ARID1B: variants seen among roughly 807,000 people sequenced by gnomAD.
ARID1B encodes AT-rich interaction domain 1B.
Under a neutral mutation model 212.3 loss-of-function variants are expected in ARID1B, and 30 were observed. The ratio of observed to expected loss-of-function variants is 0.14; its 90% CI spans 0.11 to 0.19. ARID1B has a LOEUF of 0.19. Among genes scored for constraint, ARID1B ranks in the 10% least tolerant of loss-of-function variants. The pLI is 1.00. For synonymous variants in ARID1B, 1,402 were observed against 1,301.7 expected, an observed-to-expected ratio of 1.08 and a Z score of -1.66; for missense variants, 2,891 against 3,204.0, an observed-to-expected ratio of 0.90 and a Z score of 2.36.
intron 2 of ARID1B, among the ~76,000 whole-genome samples, chr6:156,891,103 A>G (rs972645709): frequency 6.6e-6 from 1 of 152,208 alleles, no homozygotes; most frequent in Non-Finnish European, 1.5e-5. Flanking sequence ...TTGACTGGAC[A>G]TGTTGACATA....
intron 4 of ARID1B, among the ~76,000 whole-genome samples, chr6:157,049,310 C>T (rs1229496335): frequency 1.3e-5 from 2 of 152,128 alleles, no homozygotes; most frequent in Non-Finnish European, 2.9e-5. Flanking sequence ...GAGTGCTCCT[C>T]AAGTGTGACC....
At chr6:156,925,607 T>C (rs1054030807) in intron 3 of ARID1B, among the ~76,000 whole-genome samples, 2 of 152,222 alleles carry the variant, frequency 1.3e-5, no homozygotes, top group Non-Finnish European at 2.9e-5. Flanking sequence ...TTCTTTGGAC[T>C]CATTAATAAT....
chr6:157,181,672 C>T (rs577480969), intron 12 of ARID1B, among the ~76,000 whole-genome samples: 39 of 152,288 alleles, frequency 2.6e-4, no homozygotes, highest in Admixed American at 1.8e-3. Flanking sequence ...TGACCTCCAG[C>T]GGGCTAGGCC....
chr6:156,917,164 A>T (rs1287346077), intron 3 of ARID1B, among the ~76,000 whole-genome samples: 1 of 152,136 alleles, frequency 6.6e-6, no homozygotes, highest in African/African-American at 2.4e-5. Flanking sequence ...GGATCTTTTT[A>T]AAAAACCTTA....
intron 18 of ARID1B, among the ~76,000 whole-genome samples, chr6:157,202,649 TAC>T (rs754115969): frequency 2.0e-4 from 30 of 150,056 alleles, no homozygotes; most frequent in East Asian, 3.9e-4. Context: ...TGCCACTGTA[TAC>T]ACACACACAC....
intron 8 of ARID1B, among the ~76,000 whole-genome samples, chr6:157,161,087 C>T (rs902385752): frequency 6.6e-6 from 1 of 152,160 alleles, no homozygotes; most frequent in African/African-American, 2.4e-5. Flanking sequence ...TAACTGTCAA[C>T]AAAGCAGTAG....
chr6:157,202,173 C>T (rs1366545973), intron 18 of ARID1B, among the ~76,000 whole-genome samples: 3 of 152,292 alleles, frequency 2.0e-5, no homozygotes, highest in African/African-American at 4.8e-5. Flanking sequence ...CCATGTCAAT[C>T]GAATGCTGAT....
chr6:157,033,126 T>G (rs2128499071), intron 4 of ARID1B, among the ~76,000 whole-genome samples: 1 of 152,378 alleles, frequency 6.6e-6, no homozygotes, highest in South Asian at 2.1e-4. Flanking sequence ...TGCGTAATCA[T>G]ATACATGTGC....
chr6:156,824,944 A>T (rs1782639418), intron 1 of ARID1B, among the ~76,000 whole-genome samples: 1 of 151,418 alleles, frequency 6.6e-6, no homozygotes, highest in Non-Finnish European at 1.5e-5. Context: ...GGCTCACTGC[A>T]ACCTCTGCCT....
At chr6:156,972,005 G>C (rs1006703810) in intron 4 of ARID1B, among the ~76,000 whole-genome samples, 6 of 152,172 alleles carry the variant, frequency 3.9e-5, no homozygotes, top group Admixed American at 2.6e-4. Flanking sequence ...AATCCTGGGG[G>C]ACATCACAGA....
chr6:157,082,375 CT>C (rs1281166995), intron 4 of ARID1B, among the ~76,000 whole-genome samples: 1 of 152,138 alleles, frequency 6.6e-6, no homozygotes, highest in African/African-American at 2.4e-5. Flanking sequence ...TCTGTCAAGA[CT>C]TCTGTTGTTG....
In ARID1B at chr6:157,206,395, A is replaced by G; in HGVS notation, c.5623A>G (p.Ser1875Gly). 1 of 1,614,240 alleles carries G rather than the reference A, an allele frequency of 6.2e-7. No individual in the cohort carries two copies. Among genetic ancestry groups the G allele is most frequent in the South Asian group, 1.1e-5 (1 of 91,080 alleles). ...EEDEEDEEED[S>G]EKTESDEKSS... ...AGACGAGGAGGATGAGGAGGAAGAC[A>G]GCGAGAAGACAGAAAGCGATGAAAA... Residue 1875 changes from serine to glycine, a missense_variant, in exon 20 of 20, where the codon AGC becomes GGC. By Grantham distance (56) the Ser-to-Gly change is moderately conservative (BLOSUM62 0). Transcript: ENST00000636930. The surrounding 1 kb of genome is among the most constrained non-coding windows in gnomAD (Gnocchi z 6.8).
In ARID1B at chr6:157,181,013, G is replaced by A. The variant is rs1792474242; in HGVS notation, c.3549G>A (p.Val1183=). 2 of 1,614,104 alleles carry A rather than the reference G, an allele frequency of 1.2e-6. No individual in the cohort carries two copies. The highest frequency in any genetic ancestry group is 1.7e-6 in the Non-Finnish European group (2 of 1,180,028). ...CTACTGGGGAGAAGATCACGAAGGTGTACGAGCTGGGGAATGAGCCAGAGA... is the reference window on the plus strand; with the variant it reads ...CTACTGGGGAGAAGATCACGAAGGTATACGAGCTGGGGAATGAGCCAGAGA... ...STTTGEKITK[V]YELGNEPERK... Residue 1183 remains valine, a synonymous_variant, in exon 12 of 20, where the codon GTG becomes GTA. Coordinates refer to ENST00000636930, the MANE Select transcript of ARID1B (RefSeq NM_001374828.1).
At chr6:156,928,231 G>T (rs1014479903) in intron 3 of ARID1B, among the ~76,000 whole-genome samples, 1 of 152,146 alleles carries the variant, frequency 6.6e-6, no homozygotes, top group African/African-American at 2.4e-5. Context: ...GTAGGCCTTC[G>T]GGAGGCATTT....
chr6:156,859,736 A>C (rs987659272), intron 2 of ARID1B, among the ~76,000 whole-genome samples: 5 of 152,182 alleles, frequency 3.3e-5, no homozygotes, highest in Admixed American at 1.3e-4. Context: ...ATGTGCAGTT[A>C]TTTCTTTACC....
intron 2 of ARID1B, among the ~76,000 whole-genome samples, chr6:156,864,382 T>C (rs1785538696): frequency 6.6e-6 from 1 of 152,220 alleles, no homozygotes; most frequent in Non-Finnish European, 1.5e-5. Context: ...CTTGGCTTGA[T>C]TCTAAGTAAT....
intron 4 of ARID1B, among the ~76,000 whole-genome samples, chr6:157,021,788 C>T (rs1377327058): frequency 2.0e-5 from 3 of 152,050 alleles, no homozygotes; most frequent in Non-Finnish European, 2.9e-5. Context: ...AGCGTGTTTT[C>T]TAAAGTTTCT....
chr6:157,187,844 T>C (rs906386589), intron 13 of ARID1B, among the ~76,000 whole-genome samples: 1 of 152,056 alleles, frequency 6.6e-6, no homozygotes, highest in African/African-American at 2.4e-5. Flanking sequence ...ATAAGGGTCT[T>C]TCTGAAATCA....
chr6:157,125,563 G>T (rs142941662), intron 6 of ARID1B, among the ~76,000 whole-genome samples: 2 of 152,182 alleles, frequency 1.3e-5, no homozygotes, highest in East Asian at 3.9e-4. Flanking sequence ...AGATTTGCCC[G>T]GGTCTTTCCT....
Sources: gnomAD v4.1 joint callset for allele counts (sites outside exome capture counted in the v4.1 genomes callset) on GRCh38, gnomAD v4.1.1 for gene constraint, Gnocchi (gnomAD v3.1) non-coding constraint, MANE v1.5 for transcripts, NCBI Gene and HGNC (gene_info 2026-07-23, HGNC 2026-07-21) for gene names.